RNF216: variants seen among roughly 807,000 people sequenced by gnomAD.
RNF216 encodes ring finger protein 216, also known as E3 ubiquitin-protein ligase RNF216.
RNF216 carries 72 observed loss-of-function variants against 110.8 expected under a neutral mutation model. The ratio of observed to expected loss-of-function variants is 0.65; its 90% CI spans 0.54 to 0.79. RNF216 has a LOEUF of 0.79. Among genes scored for constraint, RNF216 ranks in the 30% least tolerant of loss-of-function variants. RNF216 has a pLI of 0.00. For synonymous variants in RNF216, 495 were observed against 407.5 expected (o/e 1.21, Z -2.59); for missense variants, 1,342 against 1,141.2 (o/e 1.18, Z -2.54).
intron 8 of RNF216, among the ~76,000 whole-genome samples, chr7:5,722,753 G>T (rs1249133419): frequency 6.6e-6 from 1 of 151,828 alleles, no homozygotes; most frequent in Non-Finnish European, 1.5e-5. Context: ...CAGGCGCAGT[G>T]ACTCACGCCT....
chr7:5,717,399 G>A (rs1793133245), intron 9 of RNF216, among the ~76,000 whole-genome samples: 1 of 152,090 alleles, frequency 6.6e-6, no homozygotes, highest in Non-Finnish European at 1.5e-5. Context: ...AACAGACTTC[G>A]CTGGCGAGGC....
chr7:5,660,943 GTTTTTTTTTTT>G (rs1168463360), intron 13 of RNF216, among the ~76,000 whole-genome samples: 5 of 90,164 alleles, frequency 5.5e-5, no homozygotes, highest in Non-Finnish European at 7.9e-5. Flanking sequence ...GAAGCCTTAG[GTTTTTTTTTTT>G]TTTTTTTTTT....
At chr7:5,665,379 T>G (rs1026742995) in intron 13 of RNF216, among the ~76,000 whole-genome samples, 11 of 152,216 alleles carry the variant, frequency 7.2e-5, no homozygotes, top group African/African-American at 2.7e-4. Flanking sequence ...CATGTTGTTC[T>G]TAAATATTTT....
intron 5 of RNF216, among the ~76,000 whole-genome samples, chr7:5,734,608 C>CTGTCCTCACTGTAAGG: frequency 7.3e-6 from 1 of 136,986 alleles, no homozygotes; most frequent in South Asian, 2.2e-4. Flanking sequence ...AAATGGCTTT[C>CTGTCCTCACTGTAAGG]AAGGTTAAAT....
intron 13 of RNF216, among the ~76,000 whole-genome samples, chr7:5,664,950 C>T (rs1789411977): frequency 6.6e-6 from 1 of 152,216 alleles, no homozygotes; most frequent in Non-Finnish European, 1.5e-5. Context: ...GCGCCCGCCA[C>T]CAGGCCTGGC....
intron 13 of RNF216, among the ~76,000 whole-genome samples, chr7:5,669,521 T>A (rs1280391670): frequency 1.3e-5 from 2 of 151,686 alleles, no homozygotes; most frequent in Non-Finnish European, 2.9e-5. Context: ...TGCTAGAGAG[T>A]GAGGTGAGGG....
intron 13 of RNF216, among the ~76,000 whole-genome samples, chr7:5,672,715 A>G (rs1789997759): frequency 1.5e-5 from 2 of 136,120 alleles, no homozygotes; most frequent in Non-Finnish European, 3.1e-5. Context: ...AGTCTGGAAC[A>G]GAGAAGGCCA....
At chr7:5,780,942 C>T (rs1167794502) in intron 1 of RNF216, among the ~76,000 whole-genome samples, 3 of 152,212 alleles carry the variant, frequency 2.0e-5, no homozygotes, top group Non-Finnish European at 2.9e-5. Flanking sequence ...GCGGGGACAG[C>T]GGCCTCGCTC....
chr7:5,729,879 T>C (rs1465676092), intron 6 of RNF216, among the ~76,000 whole-genome samples: 1 of 152,030 alleles, frequency 6.6e-6, no homozygotes, highest in African/African-American at 2.4e-5. Context: ...CGAACAACTA[T>C]TTTTTTTCTA....
chr7:5,722,464 A>G (rs1227964388), intron 8 of RNF216, among the ~76,000 whole-genome samples: 1 of 149,158 alleles, frequency 6.7e-6, no homozygotes, highest in African/African-American at 2.5e-5. Flanking sequence ...ATCTCGGCTC[A>G]CTGTCAGCTC....
At chr7:5,762,204 A>T (rs1795970736) in intron 1 of RNF216, among the ~76,000 whole-genome samples, 1 of 152,212 alleles carries the variant, frequency 6.6e-6, no homozygotes, top group African/African-American at 2.4e-5. Context: ...ACAAAAATTT[A>T]AAATACATTA....
At chr7:5,676,920 T>C (rs933843851) in intron 13 of RNF216, among the ~76,000 whole-genome samples, 1 of 152,146 alleles carries the variant, frequency 6.6e-6, no homozygotes, top group South Asian at 2.1e-4. Flanking sequence ...CAGTGAACAC[T>C]GGACATAACC....
intron 3 of RNF216, among the ~76,000 whole-genome samples, chr7:5,746,816 T>C (rs1795052818): frequency 6.6e-6 from 1 of 152,190 alleles, no homozygotes; most frequent in South Asian, 2.1e-4. Flanking sequence ...ATGATGACCA[T>C]GATGTGGAAT....
At chr7:5,629,605 G>T (rs990127173) in intron 15 of RNF216, among the ~76,000 whole-genome samples, 12 of 152,032 alleles carry the variant, frequency 7.9e-5, no homozygotes, top group Non-Finnish European at 1.8e-4. Context: ...GAGGCGGGCG[G>T]ATCACGACGT....
At chr7:5,666,122 C>T (rs892992088) in intron 13 of RNF216, among the ~76,000 whole-genome samples, 1 of 148,882 alleles carries the variant, frequency 6.7e-6, no homozygotes, top group Non-Finnish European at 1.5e-5. Context: ...GTGGAGATCA[C>T]GCCACTGCAC....
intron 1 of RNF216, among the ~76,000 whole-genome samples, chr7:5,763,527 G>T (rs993219319): frequency 4.6e-5 from 7 of 152,054 alleles, no homozygotes; most frequent in Non-Finnish European, 1.0e-4. Flanking sequence ...GTACTTGGAA[G>T]GCTGAGGCAG....
chr7:5,658,604 C>T (rs563641637), intron 13 of RNF216, among the ~76,000 whole-genome samples: 1 of 143,536 alleles, frequency 7.0e-6, no homozygotes, highest in African/African-American at 2.6e-5. Flanking sequence ...TTGCAGTGAG[C>T]TATGATCAAG....
intron 13 of RNF216, among the ~76,000 whole-genome samples, chr7:5,674,821 C>T (rs11977743): frequency 0.012 from 1,783 of 152,024 alleles, 34 homozygotes; most frequent in African/African-American, 0.04. Flanking sequence ...CATGGCAAAA[C>T]CCCATCTCTA....
intron 15 of RNF216, among the ~76,000 whole-genome samples, chr7:5,631,762 G>A (rs746001614): frequency 3.3e-5 from 5 of 152,202 alleles, no homozygotes; most frequent in East Asian, 1.9e-4. Flanking sequence ...AAAATCAGCC[G>A]TAATTCCTCA....
Sources: allele counts gnomAD v4.1 joint callset (sites outside exome capture counted in the v4.1 genomes callset), GRCh38; gene constraint gnomAD v4.1.1; transcripts MANE v1.5; gene names NCBI Gene and HGNC (gene_info 2026-07-23, HGNC 2026-07-21).